CRISPLD2: variants seen among roughly 807,000 people sequenced by gnomAD.
CRISPLD2 encodes the protein cysteine rich secretory protein LCCL domain containing 2.
Under a neutral mutation model 71.1 loss-of-function variants are expected in CRISPLD2, and 47 were observed. The observed-to-expected ratio is 0.66, with a 90% CI of 0.52 to 0.84. The LOEUF is 0.84. CRISPLD2 is among the 40% of genes least tolerant of loss of function. The pLI is 0.00. For synonymous variants in CRISPLD2, 317 were observed against 250.1 expected, an observed-to-expected ratio of 1.27 and a Z score of -2.52; for missense variants, 830 against 651.1, an observed-to-expected ratio of 1.27 and a Z score of -2.99.
intron 14 of CRISPLD2, 132 bp from the exon 15 acceptor site, chr16:84,906,456 A>T (rs1874621): frequency 1.2e-5 from 10 of 815,202 alleles, no homozygotes; most frequent in Non-Finnish European, 1.8e-5. Context: ...GCTTCAAGGA[A>T]GTGTCCCTTG....
At chr16:84,890,578 G>T (rs1188883536) in intron 14 of CRISPLD2, among the ~76,000 whole-genome samples, 1 of 152,058 alleles carries the variant, frequency 6.6e-6, no homozygotes, top group African/African-American at 2.4e-5. Flanking sequence ...CTCCAGGAAT[G>T]CTTGCACACA....
At chr16:84,895,874 G>A (rs1028962684) in intron 14 of CRISPLD2, among the ~76,000 whole-genome samples, 1 of 152,122 alleles carries the variant, frequency 6.6e-6, no homozygotes, top group Non-Finnish European at 1.5e-5. Context: ...TAAGGAGTGG[G>A]CACTTTGAGG....
chr16:84,880,613 C>A, intron 13 of CRISPLD2, 29 bp downstream of exon 13: 4 of 1,589,350 alleles, frequency 2.5e-6, no homozygotes, highest in Non-Finnish European at 3.5e-6. Flanking sequence ...CAACAACTAT[C>A]TCGCAAAGCC....
At chr16:84,854,874 G>C (rs1917193688) in intron 6 of CRISPLD2, 45 bp downstream of exon 6, 1 of 1,445,098 alleles carries the variant, frequency 6.9e-7, no homozygotes, top group African/African-American at 1.4e-5. Context: ...TTTGCCCTCA[G>C]TCTGAGTCAT....
chr16:84,851,338 G>T lies in CRISPLD2; in HGVS notation c.608+655G>T, dbSNP rs1218610823. Among the ~76,000 whole-genome samples the T allele has an allele frequency of 2.0e-5, 3 of 152,230 alleles. No individual in the cohort carries two copies. In the East Asian group the frequency reaches 5.8e-4, roughly 29 times the overall value. The stretch of plus-strand genomic sequence containing the variant: ...GTGGTGTCCAGCCCTTGACTCATTT[G>T]CTCATGGGACAAATATGTGCTGATT... On this transcript the variant is annotated intron_variant, in intron 5 of 14. Coordinates refer to ENST00000262424, the MANE Select transcript of CRISPLD2 (RefSeq NM_031476.4).
intron 1 of CRISPLD2, among the ~76,000 whole-genome samples, chr16:84,824,338 C>G (rs528955185): frequency 6.6e-6 from 1 of 152,156 alleles, no homozygotes; most frequent in East Asian, 1.9e-4. Context: ...GAGAGTAACA[C>G]GGTGGCACTG....
intron 3 of CRISPLD2, chr16:84,846,124 T>C (rs2143199770): frequency 2.5e-6 from 1 of 404,388 alleles, no homozygotes; most frequent in Non-Finnish European, 4.4e-6. Context: ...CACTGATGAT[T>C]GATTAAAGTT....
intron 11 of CRISPLD2, 21 bp from the exon 12 acceptor site, chr16:84,877,417 C>A (rs1426444785): frequency 2.5e-6 from 4 of 1,611,976 alleles, no homozygotes; most frequent in Admixed American, 1.7e-5. Context: ...CTGACCCTTT[C>A]CCCCTTGCTC....
intron 5 of CRISPLD2, among the ~76,000 whole-genome samples, chr16:84,853,692 T>A (rs1917152699): frequency 6.6e-6 from 1 of 152,214 alleles, no homozygotes; most frequent in South Asian, 2.1e-4. Context: ...CTGGAAAGCA[T>A]CAGAGCGTTC....
chr16:84,849,217 T>G (rs1917005373), intron 3 of CRISPLD2, 168 bp from the exon 4 acceptor site: 2 of 657,878 alleles, frequency 3.0e-6, no homozygotes, highest in Non-Finnish European at 5.2e-6. Context: ...TGGGGGCTAT[T>G]CCGCCTCCTC....
At chr16:84,892,479 T>G (rs963563167) in intron 14 of CRISPLD2, among the ~76,000 whole-genome samples, 19 of 152,108 alleles carry the variant, frequency 1.2e-4, no homozygotes, top group Non-Finnish European at 2.6e-4. Context: ...TCTTAGGGTT[T>G]CTGGACACAT....
chr16:84,879,926 T>C (rs1195343078), intron 12 of CRISPLD2, among the ~76,000 whole-genome samples: 1 of 152,108 alleles, frequency 6.6e-6, no homozygotes, highest in Non-Finnish European at 1.5e-5. Flanking sequence ...CTGGCTTGAG[T>C]TTGTCAAACC....
intron 13 of CRISPLD2, among the ~76,000 whole-genome samples, chr16:84,881,620 A>G (rs2071569220): frequency 7.0e-6 from 1 of 142,650 alleles, no homozygotes; most frequent in Non-Finnish European, 1.5e-5. Context: ...AGCATCATTC[A>G]TCTCTAGCTA....
rs1597459815 is a variant in CRISPLD2 at position 84,853,850 on chromosome 16, G to A, written c.609-879G>A. Reference sequence around the variant, plus strand: ...CCCATTTTACAGAAAGGGAGACCGAGGCTGGGGCTGGAGGAGGCTGGCCGA... The same window carrying A: ...CCCATTTTACAGAAAGGGAGACCGAAGCTGGGGCTGGAGGAGGCTGGCCGA... On this transcript the variant is annotated intron_variant, in intron 5 of 14. Coordinates refer to ENST00000262424, the MANE Select transcript of CRISPLD2 (RefSeq NM_031476.4). Among the ~76,000 whole-genome samples, 3 of 152,264 alleles carry A rather than the reference G, an allele frequency of 2.0e-5. No homozygotes were observed. The East Asian group carries it at 5.8e-4, about 29-fold the overall frequency.
chr16:84,832,048 T>G (rs1310576710), intron 1 of CRISPLD2, among the ~76,000 whole-genome samples: 1 of 152,256 alleles, frequency 6.6e-6, no homozygotes, highest in African/African-American at 2.4e-5. Flanking sequence ...TTTTTAAACA[T>G]TGGATTTTGT....
chr16:84,860,804 C>T (rs1168089637), intron 6 of CRISPLD2, among the ~76,000 whole-genome samples: 4 of 152,206 alleles, frequency 2.6e-5, no homozygotes, highest in Admixed American at 2.6e-4. Flanking sequence ...AGGTCAGCCA[C>T]TTGCATGAGA....
intron 10 of CRISPLD2, 21 bp from the exon 11 acceptor site, chr16:84,873,899 T>TGA (rs772312258): frequency 7.2e-6 from 11 of 1,527,686 alleles, no homozygotes; most frequent in Middle Eastern, 1.8e-4. Context: ...GCCCGTTTTT[T>TGA]TTTTTTTTTT....
rs796401752 is a variant in CRISPLD2 at position 84,873,252 on chromosome 16, T to G, written c.1112+130T>G. The stretch of plus-strand genomic sequence containing the variant: ...CTGCACTTTGGGAGGCAGAGGCAGG[T>G]GGATCACCTGAGGTCAGGAGTTCAA... On this transcript the variant is annotated intron_variant, in intron 10 of 14. Transcript: ENST00000262424. The G allele has an allele frequency of 7.7e-6, 8 of 1,035,146 alleles. No homozygotes were observed. The African/African-American group carries it at 1.2e-4, about 15-fold the overall frequency. 64.1% of individuals were successfully genotyped at this position (1,035,146 alleles called of 1,614,324 possible).
chr16:84,903,142 G>C (rs185691227), intron 14 of CRISPLD2, among the ~76,000 whole-genome samples: 1 of 152,182 alleles, frequency 6.6e-6, no homozygotes, highest in Non-Finnish European at 1.5e-5. Flanking sequence ...ATTTGGTTTG[G>C]TCTGTTGGGC....
Sources: allele counts gnomAD v4.1 joint callset (sites outside exome capture counted in the v4.1 genomes callset), GRCh38; gene constraint gnomAD v4.1.1; transcripts MANE v1.5; gene names NCBI Gene and HGNC (gene_info 2026-07-23, HGNC 2026-07-21).